Variants in CDH13 observed in about 807,000 individuals in gnomAD.
CDH13 encodes cadherin 13.
A neutral mutation model predicts 63.8 loss-of-function variants in CDH13; 24 were observed. The ratio of observed to expected loss-of-function variants is 0.38; its 90% CI spans 0.27 to 0.53. The LOEUF (loss-of-function observed/expected upper bound fraction) is 0.53, where lower values mean the gene tolerates loss of function less well. Ranked by LOEUF, CDH13 falls within the 20% of genes least tolerant of loss-of-function variation. CDH13 has a pLI of 0.85. For missense variants in CDH13, 1,049 were observed against 903.1 expected, an observed-to-expected ratio of 1.16 and a Z score of -2.07; for synonymous variants, 503 against 355.3, an observed-to-expected ratio of 1.42 and a Z score of -4.67.
chr16:82,894,761 G>A (rs2041196376), intron 2 of CDH13, among the ~76,000 whole-genome samples: 1 of 152,256 alleles, frequency 6.6e-6, no homozygotes, highest in Non-Finnish European at 1.5e-5. Context: ...CATGGCCACG[G>A]CAGGCCTTCC....
At chr16:82,627,695 G>C (rs1283942206) in intron 1 of CDH13, among the ~76,000 whole-genome samples, 1 of 152,118 alleles carries the variant, frequency 6.6e-6, no homozygotes, top group South Asian at 2.1e-4. Flanking sequence ...CGGGGCAGCA[G>C]AGAGCCTCAG....
chr16:82,837,025 C>T (rs1453031906), intron 1 of CDH13, among the ~76,000 whole-genome samples: 2 of 152,204 alleles, frequency 1.3e-5, no homozygotes, highest in Admixed American at 1.3e-4. Context: ...TTTGCTGGAG[C>T]ATCTCATGAT....
intron 1 of CDH13, among the ~76,000 whole-genome samples, chr16:82,847,638 C>A (rs1438734761): frequency 6.6e-6 from 1 of 152,190 alleles, no homozygotes; most frequent in South Asian, 2.1e-4. Flanking sequence ...TACCCTTTGC[C>A]ATGTAATCTA....
At chr16:83,043,982 A>T (rs909340138) in intron 3 of CDH13, among the ~76,000 whole-genome samples, 2 of 152,230 alleles carry the variant, frequency 1.3e-5, no homozygotes, top group Admixed American at 1.3e-4. Flanking sequence ...AATAAGCACA[A>T]GCAGTGAATA....
chr16:82,725,548 C>T (rs2033047582), intron 1 of CDH13, among the ~76,000 whole-genome samples: 1 of 152,192 alleles, frequency 6.6e-6, no homozygotes, highest in Non-Finnish European at 1.5e-5. Context: ...GTAAAATGAT[C>T]TGCATAAAAC....
intron 10 of CDH13, among the ~76,000 whole-genome samples, chr16:83,739,117 A>T (rs1483340854): frequency 2.0e-5 from 3 of 152,104 alleles, no homozygotes; most frequent in African/African-American, 7.2e-5. Flanking sequence ...GAGGGCTCCC[A>T]CTCTCTTAGC....
chr16:83,562,583 A>G (rs752328822), intron 7 of CDH13, among the ~76,000 whole-genome samples: 12 of 152,232 alleles, frequency 7.9e-5, no homozygotes. Flanking sequence ...TACAGATGTA[A>G]GATTTGAGAT....
chr16:83,254,681 T>C (rs1292655731), intron 5 of CDH13, among the ~76,000 whole-genome samples: 2 of 152,210 alleles, frequency 1.3e-5, no homozygotes, highest in Non-Finnish European at 2.9e-5. Flanking sequence ...GGGGTATAAA[T>C]AAATTTTTAA....
At chr16:83,532,921 C>A (rs1159418390) in intron 7 of CDH13, among the ~76,000 whole-genome samples, 2 of 152,230 alleles carry the variant, frequency 1.3e-5, no homozygotes, top group Non-Finnish European at 2.9e-5. Flanking sequence ...ATCTGAGCAG[C>A]GTGGCTTGTT....
At chr16:83,449,307 T>A (rs929178891) in intron 6 of CDH13, among the ~76,000 whole-genome samples, 2 of 152,098 alleles carry the variant, frequency 1.3e-5, no homozygotes, top group Admixed American at 1.3e-4. Flanking sequence ...AAGAGGATCA[T>A]GGTAAAGATC....
chr16:83,336,819 G>A (rs2090608506), intron 5 of CDH13, among the ~76,000 whole-genome samples: 1 of 152,204 alleles, frequency 6.6e-6, no homozygotes, highest in African/African-American at 2.4e-5. Flanking sequence ...TCTAGATTTT[G>A]CATGTGTTGC....
rs545852995 is a variant in CDH13, at chr16:83,424,143, C to A, written c.782-62334C>A. On this transcript the variant is annotated intron_variant, in intron 6 of 13. Transcript: ENST00000567109. ...CTGAACAGTCTAGAAGAGGGAAATC[C>A]AACATGGACTGAAAAGTCTAGAAGA... 2.0e-5 allele frequency among the ~76,000 whole-genome samples: 3 copies of A among 151,860 alleles called. No homozygotes were observed. The East Asian group carries it at 5.8e-4, about 29-fold the overall frequency.
chr16:82,894,848 A>T (rs994708874), intron 2 of CDH13, among the ~76,000 whole-genome samples: 1 of 152,196 alleles, frequency 6.6e-6, no homozygotes, highest in Admixed American at 6.5e-5. Flanking sequence ...CTCTAACCAG[A>T]GAGGAAGACT....
intron 6 of CDH13, among the ~76,000 whole-genome samples, chr16:83,470,840 A>G (rs10871273): frequency 0.51 from 77,585 of 152,082 alleles, 20,166 homozygotes; most frequent in East Asian, 0.84. Flanking sequence ...AAATGTGCAA[A>G]TTTATCTTTT....
chr16:82,994,103 C>G (rs924357276), intron 2 of CDH13, among the ~76,000 whole-genome samples: 2 of 152,308 alleles, frequency 1.3e-5, no homozygotes, highest in Admixed American at 6.5e-5. Flanking sequence ...AATTACCCAT[C>G]TGTTTGTGGG....
chr16:83,305,879 T>C (rs974109276), intron 5 of CDH13, among the ~76,000 whole-genome samples: 8 of 152,340 alleles, frequency 5.3e-5, no homozygotes, highest in African/African-American at 1.9e-4. Flanking sequence ...GGACTCTGTG[T>C]CCTAATCTAC....
At chr16:82,900,389 A>G (rs1002584312) in intron 2 of CDH13, among the ~76,000 whole-genome samples, 2 of 151,752 alleles carry the variant, frequency 1.3e-5, no homozygotes, top group Admixed American at 6.6e-5. Context: ...CAGTGACTTG[A>G]TAAGGCCACA....
At chr16:83,225,169 G>C (rs2039804324) in intron 5 of CDH13, among the ~76,000 whole-genome samples, 3 of 152,144 alleles carry the variant, frequency 2.0e-5, no homozygotes, top group African/African-American at 7.2e-5. Context: ...ACTGTAGTTG[G>C]AGGAACACAG....
At chr16:83,601,549 C>T (rs1488737949) in intron 7 of CDH13, among the ~76,000 whole-genome samples, 2 of 152,190 alleles carry the variant, frequency 1.3e-5, no homozygotes, top group East Asian at 1.9e-4. Context: ...GTATAAGTGA[C>T]TCTAAACTTC....
Sources: allele counts gnomAD v4.1 joint callset (sites outside exome capture counted in the v4.1 genomes callset), GRCh38; gene constraint gnomAD v4.1.1; transcripts MANE v1.5; gene names NCBI Gene and HGNC (gene_info 2026-07-23, HGNC 2026-07-21).